SORCS3: variants seen among roughly 807,000 people sequenced by gnomAD.
SORCS3 encodes the protein VPS10 domain-containing receptor SorCS3.
A neutral mutation model predicts 146.3 loss-of-function variants in SORCS3; 57 were observed. The ratio of observed to expected loss-of-function variants is 0.39; its 90% CI spans 0.31 to 0.49. The LOEUF is 0.49. Among genes scored for constraint, SORCS3 ranks in the 20% least tolerant of loss-of-function variants. The pLI, the probability that SORCS3 is intolerant of heterozygous loss-of-function variation, is 0.92. For missense variants in SORCS3, 1,341 were observed against 1,575.5 expected (o/e 0.85, Z 2.52); for synonymous variants, 653 against 618.5 (o/e 1.06, Z -0.83).
intron 1 of SORCS3, among the ~76,000 whole-genome samples, chr10:104,805,030 T>A (rs1474154646): frequency 6.6e-6 from 1 of 152,144 alleles, no homozygotes; most frequent in Non-Finnish European, 1.5e-5. Flanking sequence ...TCTCAGATAT[T>A]GCATAGAACT....
chr10:104,839,656 G>A (rs1020447144), intron 1 of SORCS3, among the ~76,000 whole-genome samples: 7 of 152,340 alleles, frequency 4.6e-5, no homozygotes, highest in Non-Finnish European at 5.9e-5. Context: ...TCAAGGAAGT[G>A]CATGAATTAA....
chr10:104,981,642 G>A (rs1380091718), intron 4 of SORCS3, among the ~76,000 whole-genome samples: 2 of 152,146 alleles, frequency 1.3e-5, no homozygotes, highest in Non-Finnish European at 2.9e-5. Flanking sequence ...TAGAAATATA[G>A]CTGCTGTTCT....
chr10:104,714,669 A>G (rs897361438), intron 1 of SORCS3, among the ~76,000 whole-genome samples: 2 of 152,192 alleles, frequency 1.3e-5, no homozygotes, highest in Non-Finnish European at 1.5e-5. Context: ...TTATTGCTCC[A>G]AATATGGTGT....
intron 1 of SORCS3, among the ~76,000 whole-genome samples, chr10:104,742,393 A>G (rs957383171): frequency 6.6e-6 from 1 of 152,208 alleles, no homozygotes; most frequent in African/African-American, 2.4e-5. Context: ...GGGGTCTCTG[A>G]GAAGTGTGAC....
intron 3 of SORCS3, among the ~76,000 whole-genome samples, chr10:104,974,138 G>C (rs1395824733): frequency 6.6e-6 from 1 of 152,130 alleles, no homozygotes; most frequent in African/African-American, 2.4e-5. Context: ...TTTTGGAATA[G>C]GTGTGGTGTG....
intron 1 of SORCS3, among the ~76,000 whole-genome samples, chr10:104,778,482 C>T (rs1281469712): frequency 2.0e-5 from 3 of 152,192 alleles, no homozygotes; most frequent in Non-Finnish European, 4.4e-5. Flanking sequence ...CTTATTCTTC[C>T]AGCCTGCATT....
intron 6 of SORCS3, among the ~76,000 whole-genome samples, chr10:105,093,123 G>T (rs901309443): frequency 2.6e-5 from 4 of 152,110 alleles, no homozygotes; most frequent in African/African-American, 9.7e-5. Flanking sequence ...GTTGAGCAAG[G>T]TTGCAGGATA....
chr10:105,020,150 G>A (rs1034778424), intron 4 of SORCS3, among the ~76,000 whole-genome samples: 9 of 152,160 alleles, frequency 5.9e-5, no homozygotes, highest in South Asian at 4.1e-4. Flanking sequence ...CCTAGTGGCC[G>A]TGGTCTTGTT....
Position 104,870,385 on chromosome 10 carries a change from G to A in SORCS3, c.695+27526G>A, listed in dbSNP as rs545994342. On this transcript the variant is annotated intron_variant, in intron 2 of 26. Coordinates refer to ENST00000369701, the MANE Select transcript of SORCS3 (RefSeq NM_014978.3). ...AACAGGTATTTATTGAGCCCTTTGT[G>A]CCAGAGTCTATGCTAGCCCCTTAAT... 1.3e-4 allele frequency among the ~76,000 whole-genome samples: 19 copies of A among 151,872 alleles called. 1 individual carries two copies. The highest frequency in any genetic ancestry group is 3.9e-4 in the Admixed American group (6 of 15,244).
chr10:104,794,587 G>A (rs1014711287), intron 1 of SORCS3, among the ~76,000 whole-genome samples: 1 of 146,036 alleles, frequency 6.8e-6, no homozygotes, highest in Non-Finnish European at 1.5e-5. Flanking sequence ...AAGGTAGATA[G>A]GGTGTGTGTG....
chr10:105,035,546 C>G (rs2055300269), intron 4 of SORCS3, among the ~76,000 whole-genome samples: 1 of 151,512 alleles, frequency 6.6e-6, no homozygotes, highest in Admixed American at 6.6e-5. Context: ...CGGCTCACTG[C>G]AACCTCCGCC....
At chr10:105,091,708 T>G (rs1564751666) in intron 6 of SORCS3, among the ~76,000 whole-genome samples, 1 of 152,166 alleles carries the variant, frequency 6.6e-6, no homozygotes, top group Admixed American at 6.5e-5. Flanking sequence ...GTCACACACT[T>G]AAATTACTGA....
chr10:104,837,836 T>C (rs2018088368), intron 1 of SORCS3, among the ~76,000 whole-genome samples: 2 of 152,190 alleles, frequency 1.3e-5, no homozygotes, highest in South Asian at 4.1e-4. Context: ...TGCATTCCTA[T>C]TCATTGCCTT....
chr10:105,181,316 A>C (rs1334304938), intron 14 of SORCS3, among the ~76,000 whole-genome samples: 3 of 152,178 alleles, frequency 2.0e-5, no homozygotes, highest in Non-Finnish European at 4.4e-5. Context: ...GTCAGAATGC[A>C]GTAGGTGCAA....
intron 24 of SORCS3, among the ~76,000 whole-genome samples, chr10:105,256,561 C>T (rs930770017): frequency 2.6e-5 from 4 of 152,308 alleles, no homozygotes; most frequent in East Asian, 1.9e-4. Context: ...GCTGGACATA[C>T]GTTGTTCAAT....
At chr10:104,882,204 C>T (rs935412330) in intron 2 of SORCS3, among the ~76,000 whole-genome samples, 12 of 152,206 alleles carry the variant, frequency 7.9e-5, no homozygotes, top group African/African-American at 2.9e-4. Context: ...CCTGATACCT[C>T]TGCTTTGTTC....
At chr10:105,119,248 G>C (rs189751945) in intron 7 of SORCS3, among the ~76,000 whole-genome samples, 15 of 152,288 alleles carry the variant, frequency 9.8e-5, no homozygotes, top group Middle Eastern at 3.4e-3. Context: ...TGGCTCTATA[G>C]GTGCACAGAA....
intron 4 of SORCS3, among the ~76,000 whole-genome samples, chr10:105,009,709 A>G (rs1426743307): frequency 2.6e-5 from 4 of 151,988 alleles, no homozygotes; most frequent in African/African-American, 9.7e-5. Flanking sequence ...CATATAATTC[A>G]AATTTTTCAA....
intron 20 of SORCS3, among the ~76,000 whole-genome samples, chr10:105,224,706 A>T (rs1311480322): frequency 6.6e-6 from 1 of 152,142 alleles, no homozygotes; most frequent in Non-Finnish European, 1.5e-5. Context: ...TTCCACCACC[A>T]ATGAATGAGA....
Sources: allele counts gnomAD v4.1 joint callset (sites outside exome capture counted in the v4.1 genomes callset), GRCh38; gene constraint gnomAD v4.1.1; transcripts MANE v1.5; gene names NCBI Gene and HGNC (gene_info 2026-07-23, HGNC 2026-07-21).